Variants in DPF3 observed in about 807,000 individuals in gnomAD.
DPF3 encodes the protein zinc finger protein DPF3.
In DPF3, 18 loss-of-function variants were observed where a neutral mutation model predicts 56.8. That is an observed-to-expected ratio of 0.32 (90% CI 0.22 to 0.47). DPF3 has a LOEUF of 0.47. Among genes scored for constraint, DPF3 ranks in the 20% least tolerant of loss-of-function variants. The pLI is 1.00. For synonymous variants in DPF3, 188 were observed against 180.2 expected, an observed-to-expected ratio of 1.04 and a Z score of -0.35; for missense variants, 403 against 488.8, an observed-to-expected ratio of 0.82 and a Z score of 1.65.
intron 7 of DPF3, among the ~76,000 whole-genome samples, chr14:72,689,370 G>A (rs1019224512): frequency 3.3e-5 from 5 of 152,170 alleles, no homozygotes; most frequent in African/African-American, 1.2e-4. Context: ...CTGCAGCTCT[G>A]CTAAAGGGGG....
intron 8 of DPF3, chr14:72,669,942 C>G (rs1221625411): frequency 1.2e-5 from 12 of 985,784 alleles, no homozygotes; most frequent in Non-Finnish European, 1.4e-5. Flanking sequence ...ACAGGTTAGC[C>G]AAGACATACC....
At chr14:72,774,051 G>A in intron 1 of DPF3, 1 of 444,392 alleles carries the variant, frequency 2.3e-6, no homozygotes. Flanking sequence ...TTGGGAGGCT[G>A]AGGTGGGTGG....
At chr14:72,814,734 G>A (rs57059636) in intron 1 of DPF3, among the ~76,000 whole-genome samples, 10,109 of 151,924 alleles carry the variant, frequency 0.067, 1,153 homozygotes, top group African/African-American at 0.23. Context: ...CTGCTTAACC[G>A]GGAAGGCAGA....
At chr14:72,893,565 C>A (rs557026345) in intron 1 of DPF3, among the ~76,000 whole-genome samples, 2 of 152,050 alleles carry the variant, frequency 1.3e-5, no homozygotes, top group African/African-American at 4.8e-5. Flanking sequence ...CTCCGCGGTC[C>A]GTCCGCTGGA....
chr14:72,892,869 G>T (rs1424049692), intron 1 of DPF3, among the ~76,000 whole-genome samples: 2 of 152,160 alleles, frequency 1.3e-5, no homozygotes, highest in Non-Finnish European at 2.9e-5. Context: ...CTTTCAGAGC[G>T]ACACTAGTTT....
intron 7 of DPF3, among the ~76,000 whole-genome samples, chr14:72,685,002 G>A (rs1887346086): frequency 6.6e-6 from 1 of 152,142 alleles, no homozygotes; most frequent in Admixed American, 6.5e-5. Flanking sequence ...GCAATCCAAG[G>A]AGAGAGCCCT....
chr14:72,665,717 C>T (rs1027744322), intron 8 of DPF3, among the ~76,000 whole-genome samples: 2 of 152,116 alleles, frequency 1.3e-5, no homozygotes, highest in East Asian at 3.8e-4. Flanking sequence ...GATCCTGGAC[C>T]AGAAAAAGGA....
intron 6 of DPF3, among the ~76,000 whole-genome samples, chr14:72,705,608 T>A (rs1434792979): frequency 6.6e-6 from 1 of 152,172 alleles, no homozygotes; most frequent in African/African-American, 2.4e-5. Context: ...AACCCTGGTC[T>A]AACTCTGTGC....
intron 7 of DPF3, among the ~76,000 whole-genome samples, chr14:72,683,792 T>C (rs907161401): frequency 3.9e-5 from 6 of 152,110 alleles, no homozygotes; most frequent in Non-Finnish European, 7.4e-5. Flanking sequence ...CAGCCTGAGA[T>C]TCTACATGTC....
chr14:72,792,509 A>C (rs1408796695), intron 1 of DPF3, among the ~76,000 whole-genome samples: 3 of 152,194 alleles, frequency 2.0e-5, no homozygotes, highest in Non-Finnish European at 4.4e-5. Context: ...TCTCTTGCAC[A>C]CACACACCCC....
At chr14:72,765,407 C>T (rs1007819995) in intron 2 of DPF3, among the ~76,000 whole-genome samples, 1 of 152,196 alleles carries the variant, frequency 6.6e-6, no homozygotes, top group African/African-American at 2.4e-5. Flanking sequence ...AGGTAGTTAA[C>T]CTCTCAAGGA....
At chr14:72,792,911 C>T (rs1434795826) in intron 1 of DPF3, among the ~76,000 whole-genome samples, 1 of 139,214 alleles carries the variant, frequency 7.2e-6, no homozygotes, top group African/African-American at 2.5e-5. Flanking sequence ...GAACTGAGAC[C>T]GTTCTTCAAA....
At chr14:72,808,069 C>T (rs1325852023) in intron 1 of DPF3, among the ~76,000 whole-genome samples, 1 of 152,072 alleles carries the variant, frequency 6.6e-6, no homozygotes, top group East Asian at 1.9e-4. Context: ...AAAAGATAAG[C>T]TCAGAGATGG....
chr14:72,698,054 G>T (rs917394785), intron 6 of DPF3, among the ~76,000 whole-genome samples: 4 of 152,164 alleles, frequency 2.6e-5, no homozygotes, highest in Non-Finnish European at 5.9e-5. Context: ...CCTGATTAAG[G>T]TCTAATCATC....
intron 8 of DPF3, among the ~76,000 whole-genome samples, chr14:72,645,187 C>T (rs757423494): frequency 9.9e-5 from 15 of 152,206 alleles, no homozygotes; most frequent in Non-Finnish European, 2.2e-4. Context: ...AACTCTATCA[C>T]AACAGCTAAG....
At chr14:72,744,458 G>A (rs1164206852) in intron 3 of DPF3, among the ~76,000 whole-genome samples, 1 of 152,012 alleles carries the variant, frequency 6.6e-6, no homozygotes, top group Non-Finnish European at 1.5e-5. Flanking sequence ...ATTTTTTGTA[G>A]AGACAGGTTC....
rs375584814 is a variant in DPF3 at position 72,808,207 on chromosome 14, G to C, written c.33-36314C>G. ...AGAGAGAAATGGAGTAAGGGTCAGG[G>C]CTGGAGACCAGCAGAACCGAGGTGA... On this transcript the variant is annotated intron_variant, in intron 1 of 10. Coordinates refer to ENST00000556509, the MANE Select transcript of DPF3 (RefSeq NM_001280542.3). 1.5e-3 allele frequency among the ~76,000 whole-genome samples: 222 copies of C among 152,258 alleles called. 1 individual carries two copies. The highest frequency in any genetic ancestry group is 5.0e-3 in the African/African-American group (206 of 41,558).
Position 72,741,561 on chromosome 14 carries a change from T to TA in DPF3, c.302-9628_302-9627insT, listed in dbSNP as rs774531189. Among the ~76,000 whole-genome samples the TA allele has an allele frequency of 2.6e-5, 4 of 152,200 alleles. No individual in the cohort carries two copies. The South Asian group carries it at 8.3e-4, about 32-fold the overall frequency. ...AAGCCAAGCTCAGCCACCCCAGGCC[T>TA]CTCCTCTCTGGCGGAGCCTCCCTCA... On this transcript the variant is annotated intron_variant, in intron 3 of 10. Transcript: ENST00000556509.
intron 8 of DPF3, among the ~76,000 whole-genome samples, chr14:72,649,662 G>GGGT (rs1353888002): frequency 7.3e-6 from 1 of 136,194 alleles, no homozygotes; most frequent in Non-Finnish European, 1.6e-5. Context: ...TCCCTGGGTG[G>GGGT]GGGGGGGGAT....
Sources: allele counts gnomAD v4.1 joint callset (sites outside exome capture counted in the v4.1 genomes callset), GRCh38; gene constraint gnomAD v4.1.1; transcripts MANE v1.5; gene names NCBI Gene and HGNC (gene_info 2026-07-23, HGNC 2026-07-21).